EYS: variants seen among roughly 807,000 people sequenced by gnomAD.
EYS encodes the protein protein eyes shut homolog.
In EYS, 250 loss-of-function variants were observed where a neutral mutation model predicts 282.1. The ratio of observed to expected loss-of-function variants is 0.89; its 90% CI spans 0.80 to 0.98. The LOEUF (loss-of-function observed/expected upper bound fraction) is 0.98, where lower values mean the gene tolerates loss of function less well. Ranked by LOEUF, EYS falls within the 50% of genes least tolerant of loss-of-function variation. The probability of loss-of-function intolerance (pLI) is 0.00; values close to 1 mark genes in which losing one functional copy is unlikely to be tolerated. For synonymous variants in EYS, 1,355 were observed against 1,282.9 expected (o/e 1.06, Z -1.20); for missense variants, 4,016 against 3,709.0 (o/e 1.08, Z -2.15).
intron 12 of EYS, among the ~76,000 whole-genome samples, chr6:65,205,058 T>A (rs1434457245): frequency 7.0e-6 from 1 of 142,480 alleles, no homozygotes; most frequent in Non-Finnish European, 1.5e-5. Flanking sequence ...AAGAATATAT[T>A]TATATATTCT....
At chr6:64,566,941 T>C (rs1765584877) in intron 26 of EYS, among the ~76,000 whole-genome samples, 1 of 152,050 alleles carries the variant, frequency 6.6e-6, no homozygotes, top group East Asian at 1.9e-4. Flanking sequence ...GCCCAGCTAA[T>C]GTTTTGAGTT....
At chr6:64,343,050 A>G (rs1287672867) in intron 29 of EYS, among the ~76,000 whole-genome samples, 1 of 152,144 alleles carries the variant, frequency 6.6e-6, no homozygotes, top group East Asian at 1.9e-4. Flanking sequence ...ACCCAGATTC[A>G]TAAAGCAAGT....
intron 36 of EYS, among the ~76,000 whole-genome samples, chr6:63,828,686 G>A (rs1277604870): frequency 6.6e-6 from 1 of 152,090 alleles, no homozygotes; most frequent in Non-Finnish European, 1.5e-5. Context: ...TATACAAATG[G>A]CCAACAAACA....
intron 12 of EYS, among the ~76,000 whole-genome samples, chr6:65,193,613 T>C (rs1007599457): frequency 6.6e-6 from 1 of 151,726 alleles, no homozygotes; most frequent in Non-Finnish European, 1.5e-5. Flanking sequence ...CATTCATTTA[T>C]TGTTCAACAA....
chr6:64,247,515 C>A (rs1367358439), intron 30 of EYS, among the ~76,000 whole-genome samples: 1 of 152,108 alleles, frequency 6.6e-6, no homozygotes, highest in Non-Finnish European at 1.5e-5. Context: ...ACACACAAAT[C>A]ATTCATTTAC....
intron 14 of EYS, among the ~76,000 whole-genome samples, chr6:64,990,267 G>A (rs757614000): frequency 2.6e-5 from 4 of 151,398 alleles, no homozygotes; most frequent in Non-Finnish European, 5.9e-5. Context: ...ACACAACACA[G>A]CGGTTTTTAG....
intron 2 of EYS, among the ~76,000 whole-genome samples, chr6:65,626,552 T>C (rs1441672625): frequency 6.6e-6 from 1 of 152,140 alleles, no homozygotes; most frequent in Non-Finnish European, 1.5e-5. Flanking sequence ...CCCTGTATAA[T>C]TGAATCTGTT....
chr6:65,127,755 C>T (rs1460633507), intron 12 of EYS, among the ~76,000 whole-genome samples: 1 of 152,040 alleles, frequency 6.6e-6, no homozygotes, highest in East Asian at 1.9e-4. Flanking sequence ...TCCATTTCTT[C>T]ATTTTCTTAG....
At chr6:65,593,666 T>G (rs972063542) in intron 2 of EYS, among the ~76,000 whole-genome samples, 1 of 151,932 alleles carries the variant, frequency 6.6e-6, no homozygotes, top group African/African-American at 2.4e-5. Context: ...TTTTTCTACT[T>G]ACTCTCCCAT....
chr6:64,819,984 T>C lies in EYS; in HGVS notation c.3243+1661A>G, dbSNP rs537325463. On this transcript the variant is annotated intron_variant, in intron 21 of 42. Coordinates refer to ENST00000503581, the MANE Select transcript of EYS (RefSeq NM_001142800.2). ...TGATAGTAACCTAGGAAAATATAAA[T>C]TAAAATAATGACAAATTACATTCTC... is the stretch of plus-strand genomic sequence containing the variant. Among the ~76,000 whole-genome samples, 23 of 152,180 alleles carry C rather than the reference T, an allele frequency of 1.5e-4. No individual in the cohort carries two copies. In the South Asian group the frequency reaches 2.3e-3, roughly 15 times the overall value.
intron 31 of EYS, among the ~76,000 whole-genome samples, chr6:64,221,340 G>A (rs957168988): frequency 1.3e-5 from 2 of 152,004 alleles, no homozygotes; most frequent in Non-Finnish European, 2.9e-5. Flanking sequence ...TCACAGGAGG[G>A]AATTCATTAT....
At chr6:64,438,530 C>T (rs2150465771) in intron 27 of EYS, among the ~76,000 whole-genome samples, 1 of 151,462 alleles carries the variant, frequency 6.6e-6, no homozygotes, top group East Asian at 1.9e-4. Flanking sequence ...CTTGGGATTC[C>T]CTAGGGTTTC....
chr6:64,145,221 A>G (rs752591975), intron 31 of EYS, among the ~76,000 whole-genome samples: 1 of 152,192 alleles, frequency 6.6e-6, no homozygotes, highest in East Asian at 1.9e-4. Flanking sequence ...AGGATTATAC[A>G]TTAAGCAGCT....
intron 2 of EYS, among the ~76,000 whole-genome samples, chr6:65,528,464 G>A (rs1767648759): frequency 6.6e-6 from 1 of 152,210 alleles, no homozygotes; most frequent in Non-Finnish European, 1.5e-5. Flanking sequence ...CAATTAAGAG[G>A]TAGGACTTTT....
chr6:64,089,747 C>T (rs1213137105), intron 31 of EYS, among the ~76,000 whole-genome samples: 2 of 151,980 alleles, frequency 1.3e-5, no homozygotes, highest in Non-Finnish European at 2.9e-5. Context: ...GCTGTTAGTA[C>T]AGCTGTTATT....
chr6:65,442,990 GTATATGTA>G, intron 5 of EYS, among the ~76,000 whole-genome samples: 1 of 101,656 alleles, frequency 9.8e-6, no homozygotes, highest in East Asian at 3.7e-4. Context: ...ACATATGTGC[GTATATGTA>G]TATATGTACA....
At chr6:63,852,018 G>A (rs890594567) in intron 36 of EYS, among the ~76,000 whole-genome samples, 8 of 151,460 alleles carry the variant, frequency 5.3e-5, no homozygotes, top group South Asian at 2.1e-4. Context: ...TTAGCCAGGC[G>A]TAGTGGCGGG....
chr6:65,518,790 G>C (rs1390996224), intron 2 of EYS, among the ~76,000 whole-genome samples: 3 of 152,090 alleles, frequency 2.0e-5, no homozygotes, highest in Admixed American at 6.6e-5. Flanking sequence ...AATCATGGCA[G>C]AAGGCAAAGG....
At chr6:64,599,576 G>T (rs1018135507) in intron 24 of EYS, among the ~76,000 whole-genome samples, 12 of 152,132 alleles carry the variant, frequency 7.9e-5, no homozygotes, top group African/African-American at 2.4e-4. Flanking sequence ...TTAAATTTGA[G>T]AAGCTTATTG....
Sources: gnomAD v4.1 joint callset for allele counts (sites outside exome capture counted in the v4.1 genomes callset) on GRCh38, gnomAD v4.1.1 for gene constraint, MANE v1.5 for transcripts, NCBI Gene and HGNC (gene_info 2026-07-23, HGNC 2026-07-21) for gene names.